Variants in SH3RF3 observed in about 807,000 individuals in gnomAD.
SH3RF3 encodes the protein SH3 domain containing ring finger 3.
In SH3RF3, 29 loss-of-function variants were observed where a neutral mutation model predicts 66.3. The observed-to-expected ratio is 0.44, with a 90% CI of 0.33 to 0.60. The LOEUF is 0.60. SH3RF3 is among the 20% of genes least tolerant of loss of function. The pLI, the probability that SH3RF3 is intolerant of heterozygous loss-of-function variation, is 0.04. For missense variants in SH3RF3, 1,194 were observed against 1,190.9 expected, an observed-to-expected ratio of 1.00 and a Z score of -0.04; for synonymous variants, 583 against 532.0, an observed-to-expected ratio of 1.10 and a Z score of -1.32.
At chr2:109,402,287 C>T (rs1019304251) in intron 4 of SH3RF3, among the ~76,000 whole-genome samples, 1 of 152,268 alleles carries the variant, frequency 6.6e-6, no homozygotes, top group African/African-American at 2.4e-5. Flanking sequence ...GAGCCAGACT[C>T]AGGTCCTGCT....
At chr2:109,473,823 C>T (rs1678595463) in intron 8 of SH3RF3, among the ~76,000 whole-genome samples, 1 of 151,972 alleles carries the variant, frequency 6.6e-6, no homozygotes, top group East Asian at 2.0e-4. Context: ...ACCTTAGCCG[C>T]AGGCTGTCTC....
At position 109,449,269 on chromosome 2, in the gene SH3RF3, G is replaced by A. The variant is rs1392819045; in HGVS notation, c.1928G>A (p.Arg643Lys). ...SPSRLPATSLRPHSVVSPQHS... is the reference protein window; with the variant it reads ...SPSRLPATSLKPHSVVSPQHS... Reference sequence around the variant, plus strand: ...TCCCGCCTGCCTGCCACCAGCCTCAGGCCCCACTCGGTGGTGTCCCCGCAG... The same window carrying A: ...TCCCGCCTGCCTGCCACCAGCCTCAAGCCCCACTCGGTGGTGTCCCCGCAG... The change falls in exon 8 of 10, where the codon AGG becomes AAG. Residue 643 changes from arginine (R) to lysine (K), a missense_variant. Coordinates refer to ENST00000309415, the MANE Select transcript of SH3RF3 (RefSeq NM_001099289.3). 1.2e-6 allele frequency: 2 copies of A among 1,611,834 alleles called. No homozygotes were observed. Among genetic ancestry groups the A allele is most frequent in the Admixed American group, 1.7e-5 (1 of 59,740 alleles).
chr2:109,421,277 G>C (rs1327805679), intron 5 of SH3RF3, among the ~76,000 whole-genome samples: 1 of 152,252 alleles, frequency 6.6e-6, no homozygotes, highest in East Asian at 1.9e-4. Flanking sequence ...CAAGGGCAAA[G>C]CCCAGATGTG....
At chr2:109,209,665 G>A (rs1382108373) in intron 1 of SH3RF3, among the ~76,000 whole-genome samples, 1 of 152,156 alleles carries the variant, frequency 6.6e-6, no homozygotes, top group Non-Finnish European at 1.5e-5. Flanking sequence ...TGCTCCTCTG[G>A]CAAGCAGGAC....
intron 1 of SH3RF3, among the ~76,000 whole-genome samples, chr2:109,163,565 A>AT (rs1677544867): frequency 6.6e-6 from 1 of 150,394 alleles, no homozygotes; most frequent in African/African-American, 2.4e-5. Context: ...CGCCCGGCTA[A>AT]TTTTTTTGTA....
At chr2:109,257,602 A>T (rs1212696193) in intron 1 of SH3RF3, among the ~76,000 whole-genome samples, 1 of 152,112 alleles carries the variant, frequency 6.6e-6, no homozygotes, top group Non-Finnish European at 1.5e-5. Context: ...CTGGAGCAGG[A>T]TAGACTCTGC....
intron 1 of SH3RF3, among the ~76,000 whole-genome samples, chr2:109,164,218 GC>G (rs953745008): frequency 6.6e-6 from 1 of 151,192 alleles, no homozygotes; most frequent in Non-Finnish European, 1.5e-5. Context: ...TTGCTCTGTT[GC>G]CCAGGCTGAA....
chr2:109,265,110 G>A lies in SH3RF3; in HGVS notation c.574-82564G>A, dbSNP rs956474076. On this transcript the variant is annotated intron_variant, in intron 1 of 9. Transcript: ENST00000309415. ...TGCTTAGACTTTGCCCACTTGAGGC[G>A]TTGCGAAATAGGATGGTGTGTGTTT... Among the ~76,000 whole-genome samples the A allele has an allele frequency of 6.6e-5, 10 of 152,254 alleles. 1 individual carries two copies. Among genetic ancestry groups the A allele is most frequent in the African/African-American group, 1.7e-4 (7 of 41,536 alleles).
chr2:109,236,974 A>G (rs1253879667), intron 1 of SH3RF3, among the ~76,000 whole-genome samples: 1 of 152,204 alleles, frequency 6.6e-6, no homozygotes, highest in African/African-American at 2.4e-5. Flanking sequence ...GTTTAATATT[A>G]AAGACCCTGG....
Position 109,129,728 on chromosome 2 carries a change from G to A in SH3RF3, c.188G>A (p.Arg63His). 1 of 1,538,464 alleles carries A rather than the reference G, an allele frequency of 6.5e-7. No homozygotes were observed. Among genetic ancestry groups the A allele is most frequent in the Non-Finnish European group, 8.7e-7 (1 of 1,145,184 alleles). Residue 63 changes from arginine to histidine, a missense_variant, in exon 1 of 10, where the codon CGC becomes CAC. Arg to His is a conservative substitution (Grantham distance 29). Transcript: ENST00000309415. ...DLLECSVCLE[R>H]LDTTAKVLPC... Reference sequence around the variant, plus strand: ...CTGGAGTGCTCCGTGTGTCTGGAGCGCCTGGACACCACGGCCAAGGTGCTG... The same window carrying A: ...CTGGAGTGCTCCGTGTGTCTGGAGCACCTGGACACCACGGCCAAGGTGCTG...
chr2:109,214,950 A>G (rs557475122), intron 1 of SH3RF3, among the ~76,000 whole-genome samples: 3 of 152,324 alleles, frequency 2.0e-5, no homozygotes, highest in African/African-American at 7.2e-5. Context: ...TAGTGAGCTG[A>G]GGAGAGAAGG....
intron 1 of SH3RF3, among the ~76,000 whole-genome samples, chr2:109,249,489 C>CT (rs1443551613): frequency 4.4e-5 from 1 of 22,510 alleles, no homozygotes; most frequent in African/African-American, 3.7e-4. Context: ...TTCTTTCTTT[C>CT]TTTCTTTCTT....
rs183365767 is a variant in SH3RF3 at position 109,433,510 on chromosome 2, C to A, written c.1574+839C>A. On this transcript the variant is annotated intron_variant, in intron 6 of 9. Coordinates refer to ENST00000309415, the MANE Select transcript of SH3RF3 (RefSeq NM_001099289.3). ...CACAGAAGCCCCTCGTGGGCACGGCCCTGTGTTGACACTGCAGGACACACA... is the reference window on the plus strand; with the variant it reads ...CACAGAAGCCCCTCGTGGGCACGGCACTGTGTTGACACTGCAGGACACACA... Among the ~76,000 whole-genome samples the A allele has an allele frequency of 2.0e-5, 3 of 152,316 alleles. No homozygotes were observed. In the East Asian group the frequency reaches 5.8e-4, roughly 29 times the overall value.
intron 1 of SH3RF3, among the ~76,000 whole-genome samples, chr2:109,246,656 C>G (rs1178729319): frequency 3.3e-5 from 5 of 152,214 alleles, no homozygotes; most frequent in Non-Finnish European, 2.9e-5. Flanking sequence ...TCTTATTTGA[C>G]CTGTGGACTT....
intron 1 of SH3RF3, among the ~76,000 whole-genome samples, chr2:109,249,851 A>G (rs55750720): frequency 4.0e-5 from 6 of 150,854 alleles, no homozygotes; most frequent in Admixed American, 3.3e-4. Flanking sequence ...TTATTTTTTA[A>G]TTTTTTTATT....
At chr2:109,177,883 C>T (rs1050399424) in intron 1 of SH3RF3, among the ~76,000 whole-genome samples, 5 of 152,210 alleles carry the variant, frequency 3.3e-5, no homozygotes, top group African/African-American at 1.2e-4. Flanking sequence ...TTGTTTAATT[C>T]ACCTTTCTCC....
chr2:109,245,353 C>T (rs1176692384), intron 1 of SH3RF3, among the ~76,000 whole-genome samples: 1 of 151,980 alleles, frequency 6.6e-6, no homozygotes, highest in Non-Finnish European at 1.5e-5. Context: ...CAGTGTCAAC[C>T]TCTGCTGTAA....
intron 1 of SH3RF3, among the ~76,000 whole-genome samples, chr2:109,309,313 G>A (rs985151610): frequency 6.7e-6 from 1 of 150,322 alleles, no homozygotes; most frequent in Non-Finnish European, 1.5e-5. Context: ...ATCAGCTTAA[G>A]GAGATTTTGG....
chr2:109,413,454 C>T (rs183166257), intron 4 of SH3RF3, among the ~76,000 whole-genome samples: 38 of 152,286 alleles, frequency 2.5e-4, no homozygotes, highest in African/African-American at 7.9e-4. Context: ...AGGAAACTGC[C>T]GGGGCTACAG....
Sources: gnomAD v4.1 joint callset for allele counts (sites outside exome capture counted in the v4.1 genomes callset) on GRCh38, gnomAD v4.1.1 for gene constraint, MANE v1.5 for transcripts, NCBI Gene and HGNC (gene_info 2026-07-23, HGNC 2026-07-21) for gene names.